MRPS6: variants seen among roughly 807,000 people sequenced by gnomAD.
MRPS6 encodes small ribosomal subunit protein bS6m.
In MRPS6, 6 loss-of-function variants were observed where a neutral mutation model predicts 13.1. That is an observed-to-expected ratio of 0.46 (90% CI 0.25 to 0.91). MRPS6 has a LOEUF of 0.91. Among genes scored for constraint, MRPS6 ranks in the 40% least tolerant of loss-of-function variants. The pLI is 0.18. For missense variants in MRPS6, 164 were observed against 155.6 expected (o/e 1.05, Z -0.29); for synonymous variants, 61 against 56.5 (o/e 1.08, Z -0.36).
chr21:34,111,769 C>G (rs1439316936), intron 1 of MRPS6, among the ~76,000 whole-genome samples: 1 of 152,160 alleles, frequency 6.6e-6, no homozygotes, highest in Non-Finnish European at 1.5e-5. Flanking sequence ...AAGGTAGGCC[C>G]CCTGTAAAGT....
intron 1 of MRPS6, chr21:34,105,097 T>A (rs1198774688): frequency 6.0e-6 from 6 of 1,000,082 alleles, no homozygotes; most frequent in Middle Eastern, 5.2e-4. Flanking sequence ...TTATTTTTTT[T>A]AATAATGCCA....
chr21:34,132,216 C>T (rs1008037755), intron 2 of MRPS6, among the ~76,000 whole-genome samples: 5 of 152,058 alleles, frequency 3.3e-5, no homozygotes, highest in Admixed American at 6.5e-5. Context: ...GGTTCAACTT[C>T]GGAGAGTGGC....
rs541997562 is a variant in MRPS6 at position 34,112,943 on chromosome 21, C to T, written c.46-12398C>T. ...AGGCTGAGGTGGGTGGATCGCTTGA[C>T]GTCAGGAGTTTGAGACCAGGCTGGC... On this transcript the variant is annotated intron_variant, in intron 1 of 2. Transcript: ENST00000399312. Among the ~76,000 whole-genome samples, 235 of 152,002 alleles carry T rather than the reference C, an allele frequency of 1.5e-3. 1 individual carries two copies. The highest frequency in any genetic ancestry group is 6.9e-3 in the South Asian group (33 of 4,802).
chr21:34,075,338 T>G (rs1720622868), intron 1 of MRPS6, among the ~76,000 whole-genome samples: 1 of 152,236 alleles, frequency 6.6e-6, no homozygotes, highest in African/African-American at 2.4e-5. Flanking sequence ...CCCTCCCCTT[T>G]GTTTTTGCCA....
chr21:34,102,345 T>C, intron 1 of MRPS6: 3 of 999,770 alleles, frequency 3.0e-6, no homozygotes, highest in Non-Finnish European at 3.6e-6. Flanking sequence ...GATTCACCTT[T>C]AAAGGAATGT....
At chr21:34,108,302 C>A (rs1979563932) in intron 1 of MRPS6, among the ~76,000 whole-genome samples, 1 of 152,074 alleles carries the variant, frequency 6.6e-6, no homozygotes, top group South Asian at 2.1e-4. Flanking sequence ...TTTGACTGGA[C>A]CTTTTCTATG....
intron 1 of MRPS6, chr21:34,104,427 A>G (rs1022183064): frequency 2.2e-5 from 22 of 1,000,020 alleles, no homozygotes; most frequent in Non-Finnish European, 1.6e-5. Flanking sequence ...TTTGTCTTAA[A>G]TTTTGCCCAT....
At chr21:34,095,130 G>C in intron 1 of MRPS6, 1 of 1,537,412 alleles carries the variant, frequency 6.5e-7, no homozygotes, top group South Asian at 1.3e-5. Context: ...ACTTGGCTGG[G>C]GTTACTAAAA....
chr21:34,111,111 A>T (rs949588899), intron 1 of MRPS6, among the ~76,000 whole-genome samples: 3 of 152,224 alleles, frequency 2.0e-5, no homozygotes, highest in African/African-American at 7.2e-5. Flanking sequence ...AATGTGTGCA[A>T]TAGGGGACTG....
intron 1 of MRPS6, among the ~76,000 whole-genome samples, chr21:34,121,644 A>C (rs1273360307): frequency 6.6e-6 from 1 of 152,160 alleles, no homozygotes; most frequent in Non-Finnish European, 1.5e-5. Flanking sequence ...AGCCTGCACA[A>C]CTTCTCTTAG....
chr21:34,105,310 T>A (rs1979428846), intron 1 of MRPS6: 1 of 999,966 alleles, frequency 1.0e-6, no homozygotes, highest in South Asian at 4.7e-5. Context: ...GTGCTTTCTT[T>A]TTTCTTTTTG....
intron 1 of MRPS6, among the ~76,000 whole-genome samples, chr21:34,115,863 G>A (rs1043394946): frequency 7.3e-5 from 11 of 150,436 alleles, no homozygotes; most frequent in African/African-American, 2.2e-4. Context: ...GCTACCTAGG[G>A]AAGACTAATA....
intron 1 of MRPS6, chr21:34,100,682 T>C (rs1015626660): frequency 4.0e-6 from 4 of 1,000,132 alleles, no homozygotes; most frequent in East Asian, 1.1e-4. Context: ...GGGGTTGTTA[T>C]GCACTTCTGT....
chr21:34,109,794 T>A (rs1979625582), intron 1 of MRPS6, among the ~76,000 whole-genome samples: 1 of 151,786 alleles, frequency 6.6e-6, no homozygotes, highest in Non-Finnish European at 1.5e-5. Flanking sequence ...CGTATTCTTG[T>A]AAGGTTGTAC....
intron 1 of MRPS6, chr21:34,105,954 A>T: frequency 1.0e-6 from 1 of 993,280 alleles, no homozygotes; most frequent in African/African-American, 1.7e-5. Flanking sequence ...AAAATTGTAA[A>T]CATGTATGAT....
At chr21:34,078,979 G>A (rs1989397256) in intron 1 of MRPS6, among the ~76,000 whole-genome samples, 1 of 152,212 alleles carries the variant, frequency 6.6e-6, no homozygotes, top group African/African-American at 2.4e-5. Context: ...TAAGGAATTA[G>A]TCAAATGAAT....
chr21:34,127,771 G>A (rs542642949), intron 2 of MRPS6, among the ~76,000 whole-genome samples: 2 of 152,318 alleles, frequency 1.3e-5, no homozygotes, highest in South Asian at 2.1e-4. Context: ...AATTCTTTAT[G>A]TGCATTAATC....
At chr21:34,112,671 C>A (rs1487737147) in intron 1 of MRPS6, among the ~76,000 whole-genome samples, 2 of 152,188 alleles carry the variant, frequency 1.3e-5, no homozygotes, top group Admixed American at 6.5e-5. Flanking sequence ...AAAAAATATT[C>A]CTCTGTCTAT....
chr21:34,077,893 G>A (rs981008353), intron 1 of MRPS6, among the ~76,000 whole-genome samples: 2 of 152,150 alleles, frequency 1.3e-5, no homozygotes, highest in African/African-American at 4.8e-5. Context: ...AGAACACCTG[G>A]CAAAAGTTTT....
Sources: gnomAD v4.1 joint callset for allele counts (sites outside exome capture counted in the v4.1 genomes callset) on GRCh38, gnomAD v4.1.1 for gene constraint, MANE v1.5 for transcripts, NCBI Gene and HGNC (gene_info 2026-07-23, HGNC 2026-07-21) for gene names.